Variants in ATXN7L1 observed in about 807,000 individuals in gnomAD.
ATXN7L1 encodes ataxin-7-like protein 1.
Under a neutral mutation model 70.8 loss-of-function variants are expected in ATXN7L1, and 15 were observed. The observed-to-expected ratio is 0.21, with a 90% CI of 0.14 to 0.33. The LOEUF is 0.33. Ranked by LOEUF, ATXN7L1 falls within the 10% of genes least tolerant of loss-of-function variation. The pLI is 1.00. For missense variants in ATXN7L1, 975 were observed against 1,097.1 expected, an observed-to-expected ratio of 0.89 and a Z score of 1.57; for synonymous variants, 440 against 445.1, an observed-to-expected ratio of 0.99 and a Z score of 0.14.
chr7:105,662,654 C>T (rs1429738971), intron 4 of ATXN7L1, among the ~76,000 whole-genome samples: 1 of 152,158 alleles, frequency 6.6e-6, no homozygotes, highest in African/African-American at 2.4e-5. Flanking sequence ...GGCTTATGTG[C>T]TCCTTCCCTG....
At chr7:105,740,542 A>G (rs1392423855) in intron 3 of ATXN7L1, among the ~76,000 whole-genome samples, 1 of 152,154 alleles carries the variant, frequency 6.6e-6, no homozygotes, top group Non-Finnish European at 1.5e-5. Context: ...AAGTTCTCCC[A>G]AGTGAATGGA....
At chr7:105,812,929 G>A (rs1319257317) in intron 2 of ATXN7L1, among the ~76,000 whole-genome samples, 1 of 152,158 alleles carries the variant, frequency 6.6e-6, no homozygotes, top group Non-Finnish European at 1.5e-5. Context: ...CTAAGCCTGG[G>A]AGGTCAAGGC....
At chr7:105,778,904 C>T (rs575879088) in intron 3 of ATXN7L1, among the ~76,000 whole-genome samples, 1 of 152,326 alleles carries the variant, frequency 6.6e-6, no homozygotes, top group African/African-American at 2.4e-5. Context: ...TTCTCCCTTA[C>T]CTCAAAATTG....
chr7:105,798,011 C>T (rs1045599099), intron 2 of ATXN7L1, among the ~76,000 whole-genome samples: 1 of 152,222 alleles, frequency 6.6e-6, no homozygotes, highest in Non-Finnish European at 1.5e-5. Context: ...ATTTTCTCTT[C>T]TCTCGAAAGG....
chr7:105,855,945 G>T (rs1011188846), intron 2 of ATXN7L1, among the ~76,000 whole-genome samples: 1 of 152,162 alleles, frequency 6.6e-6, no homozygotes, highest in Non-Finnish European at 1.5e-5. Flanking sequence ...CCAAGGATTT[G>T]GGGTCTCAGA....
intron 7 of ATXN7L1, among the ~76,000 whole-genome samples, chr7:105,634,348 C>T (rs973958264): frequency 6.6e-6 from 1 of 152,160 alleles, no homozygotes; most frequent in African/African-American, 2.4e-5. Context: ...GGAAGCAGAG[C>T]ATCAGTTTGT....
At chr7:105,784,290 C>T (rs1404026691) in intron 3 of ATXN7L1, among the ~76,000 whole-genome samples, 4 of 152,060 alleles carry the variant, frequency 2.6e-5, no homozygotes, top group Non-Finnish European at 5.9e-5. Context: ...ATTGTCGGAA[C>T]TGAATTAAAT....
intron 3 of ATXN7L1, among the ~76,000 whole-genome samples, chr7:105,676,840 A>G (rs1804734688): frequency 6.6e-6 from 1 of 152,160 alleles, no homozygotes; most frequent in African/African-American, 2.4e-5. Flanking sequence ...ACTCTGTCTC[A>G]AAAAAACAAA....
chr7:105,783,458 T>C (rs1473494263), intron 3 of ATXN7L1, among the ~76,000 whole-genome samples: 1 of 152,094 alleles, frequency 6.6e-6, no homozygotes, highest in Non-Finnish European at 1.5e-5. Flanking sequence ...GTGGCTGGCG[T>C]ACATAGGCAG....
chr7:105,810,674 G>A (rs1380514143), intron 2 of ATXN7L1, among the ~76,000 whole-genome samples: 1 of 152,214 alleles, frequency 6.6e-6, no homozygotes, highest in Admixed American at 6.5e-5. Context: ...GAGCAAAGAA[G>A]CCAGCCTGTG....
rs149246684 is a variant in ATXN7L1, at chr7:105,767,321, G to A, written c.355+21283C>T. On this transcript the variant is annotated intron_variant, in intron 3 of 11. Transcript: ENST00000419735. Reference sequence around the variant, plus strand: ...AAGAGGGTCCACCTGAGCAAAACCCGGCCCTCCATAAGCCCCTATACTCGC... The same window carrying A: ...AAGAGGGTCCACCTGAGCAAAACCCAGCCCTCCATAAGCCCCTATACTCGC... 3.7e-3 allele frequency among the ~76,000 whole-genome samples: 569 copies of A among 152,066 alleles called. 8 individuals are homozygous for A. Among genetic ancestry groups the A allele is most frequent in the African/African-American group, 0.013 (541 of 41,486 alleles).
chr7:105,820,019 T>C (rs1274926542), intron 2 of ATXN7L1: 2 of 433,682 alleles, frequency 4.6e-6, no homozygotes, highest in Non-Finnish European at 8.9e-6. Flanking sequence ...CTCATGAGGC[T>C]ATGGAAACCG....
intron 3 of ATXN7L1, among the ~76,000 whole-genome samples, chr7:105,725,739 C>T (rs763459061): frequency 6.6e-6 from 1 of 152,044 alleles, no homozygotes; most frequent in Non-Finnish European, 1.5e-5. Context: ...CACCACAACG[C>T]CCAGCTAATT....
intron 3 of ATXN7L1, among the ~76,000 whole-genome samples, chr7:105,773,280 C>T (rs930253084): frequency 6.6e-5 from 10 of 152,160 alleles, no homozygotes. Context: ...CACCTGATTC[C>T]CACAAGACAA....
At chr7:105,780,956 CA>C (rs1260133260) in intron 3 of ATXN7L1, among the ~76,000 whole-genome samples, 2 of 152,084 alleles carry the variant, frequency 1.3e-5, no homozygotes, top group African/African-American at 2.4e-5. Context: ...GTATAATAAA[CA>C]GGGGCATGTT....
At chr7:105,866,971 C>T (rs1357322594) in intron 2 of ATXN7L1, among the ~76,000 whole-genome samples, 1 of 152,170 alleles carries the variant, frequency 6.6e-6, no homozygotes, top group Non-Finnish European at 1.5e-5. Context: ...ATGAATGAAA[C>T]AAAATGTCAT....
At chr7:105,784,917 G>T (rs929188305) in intron 3 of ATXN7L1, among the ~76,000 whole-genome samples, 1 of 152,154 alleles carries the variant, frequency 6.6e-6, no homozygotes, top group African/African-American at 2.4e-5. Context: ...TTAGGAGAAG[G>T]CTGCGTCCAT....
At chr7:105,642,083 CT>C (rs1224819675) in intron 5 of ATXN7L1, among the ~76,000 whole-genome samples, 1 of 152,180 alleles carries the variant, frequency 6.6e-6, no homozygotes, top group East Asian at 1.9e-4. Context: ...TTCTCCTGGT[CT>C]TTTGGAGAAA....
chr7:105,821,524 G>C (rs1395951043), intron 2 of ATXN7L1, among the ~76,000 whole-genome samples: 3 of 152,204 alleles, frequency 2.0e-5, no homozygotes, highest in Non-Finnish European at 2.9e-5. Flanking sequence ...CTGTTGAATG[G>C]CGTAGAAGAT....
Sources: allele counts gnomAD v4.1 joint callset (sites outside exome capture counted in the v4.1 genomes callset), GRCh38; gene constraint gnomAD v4.1.1; transcripts MANE v1.5; gene names NCBI Gene and HGNC (gene_info 2026-07-23, HGNC 2026-07-21).